Variants in KIF1A observed in about 807,000 individuals in gnomAD.
KIF1A encodes kinesin family member 1A, also known as kinesin-like protein KIF1A.
Under a neutral mutation model 227.3 loss-of-function variants are expected in KIF1A, and 46 were observed. The observed-to-expected ratio is 0.20, with a 90% CI of 0.16 to 0.26. The LOEUF (loss-of-function observed/expected upper bound fraction) is 0.26. Ranked by LOEUF, KIF1A falls within the 10% of genes least tolerant of loss-of-function variation. The pLI, the probability that KIF1A is intolerant of heterozygous loss-of-function variation, is 1.00. For missense variants in KIF1A, 1,683 were observed against 2,485.9 expected (o/e 0.68, Z 6.87); for synonymous variants, 1,022 against 1,012.8 (o/e 1.01, Z -0.17).
intron 15 of KIF1A, 59 bp from the exon 16 acceptor site, chr2:240,769,765 T>G: frequency 7.0e-7 from 1 of 1,418,808 alleles, no homozygotes; most frequent in Non-Finnish European, 9.9e-7. Flanking sequence ...GAGAGGACAA[T>G]GGAGACACGG....
chr2:240,746,331 G>A (rs1312000871), intron 29 of KIF1A, among the ~76,000 whole-genome samples, 154 bp from the exon 30 acceptor site: 4 of 152,182 alleles, frequency 2.6e-5, no homozygotes, highest in African/African-American at 7.2e-5. Flanking sequence ...CTGCCTTGTA[G>A]GGGGGCATCC....
intron 4 of KIF1A, 102 bp downstream of exon 4, chr2:240,787,949 T>G (rs1452586769): frequency 1.7e-6 from 2 of 1,151,834 alleles, no homozygotes; most frequent in Non-Finnish European, 2.5e-6. Flanking sequence ...GACTCCCTGC[T>G]CTCTGGGGGC....
In KIF1A at chr2:240,797,298, G is replaced by A. The variant is rs77277430; in HGVS notation, c.106+349C>T. The stretch of plus-strand genomic sequence containing the variant: ...GAGGAGAAGGCCACGTGACGACGGA[G>A]GCAGAGACTAGAGCAACGCTGCTGC... On this transcript the variant is annotated intron_variant, in intron 2 of 48. Transcript: ENST00000498729. Among the ~76,000 whole-genome samples the A allele has an allele frequency of 5.1e-3, 780 of 152,324 alleles. 35 individuals are homozygous for A. The East Asian group carries it at 0.11, about 22-fold the overall frequency.
In KIF1A at chr2:240,780,820, A is replaced by AGCTC. The variant is rs1559522497; in HGVS notation, c.882+1769_882+1770insGAGC. Among the ~76,000 whole-genome samples the AGCTC allele has an allele frequency of 4.8e-5, 5 of 104,734 alleles. 1 individual carries two copies. The highest frequency in any genetic ancestry group is 2.4e-4 in the African/African-American group (4 of 16,348). 68.7% of individuals were successfully genotyped at this position (104,734 alleles called of 152,430 possible). A position where few individuals can be genotyped will look rare whatever the true frequency, so the allele number is the denominator to read the frequency against. On this transcript the variant is annotated intron_variant, in intron 10 of 48. Coordinates refer to ENST00000498729, the MANE Select transcript of KIF1A (RefSeq NM_001244008.2). ...GCTCCACACACACACACACACACACACACACAGCTCCACACACACACACAG... is the reference window on the plus strand; with the variant it reads ...GCTCCACACACACACACACACACACAGCTCCACACAGCTCCACACACACACACAG...
intron 7 of KIF1A, among the ~76,000 whole-genome samples, chr2:240,784,169 C>T (rs910316351): frequency 2.6e-5 from 4 of 152,196 alleles, no homozygotes; most frequent in Non-Finnish European, 5.9e-5. Flanking sequence ...GCTCAGTGTC[C>T]GTGGTTGGAT....
chr2:240,808,710 G>A (rs1266321866), intron 1 of KIF1A, among the ~76,000 whole-genome samples: 1 of 151,726 alleles, frequency 6.6e-6, no homozygotes, highest in Admixed American at 6.6e-5. Flanking sequence ...CCAAACTATA[G>A]AGTACCTAGG....
chr2:240,803,958 G>T (rs144155416), intron 1 of KIF1A, among the ~76,000 whole-genome samples: 1 of 152,302 alleles, frequency 6.6e-6, no homozygotes, highest in Admixed American at 6.5e-5. Context: ...AAATCAGTTT[G>T]CTCATTAAAA....
chr2:240,757,635 C>A lies in KIF1A; in HGVS notation c.2583-41G>T. On this transcript the variant is annotated intron_variant, in intron 26 of 48. Coordinates refer to ENST00000498729, the MANE Select transcript of KIF1A (RefSeq NM_001244008.2). This position sits in a 1 kb window ranked among gnomAD's most constrained non-coding sequence, Gnocchi z 6.2. ...CAAGACAGAGAGAAGTTAACACCAG[C>A]GACTCGCAGGGACGAACAGGGGCCG... 3.2e-6 allele frequency: 5 copies of A among 1,541,412 alleles called. No individual in the cohort carries two copies. The highest frequency in any genetic ancestry group is 4.4e-6 in the Non-Finnish European group (5 of 1,141,702).
At chr2:240,746,985 G>A (rs1285377710) in intron 29 of KIF1A, among the ~76,000 whole-genome samples, 2 of 152,182 alleles carry the variant, frequency 1.3e-5, no homozygotes, top group East Asian at 1.9e-4. Context: ...CACCTGCTCT[G>A]CGCCCCGACT....
chr2:240,746,036 C>T lies in KIF1A; in HGVS notation c.3202+3G>A. 6.2e-7 allele frequency: 1 copy of T among 1,607,702 alleles called. No homozygotes were observed. On this transcript the variant is annotated splice_donor_region_variant and intron_variant, in intron 30 of 48. Transcript: ENST00000498729. The stretch of plus-strand genomic sequence containing the variant: ...CCCTGGGCAGCTGGGGTGGGCGACC[C>T]ACCTGAACAGGTGTTGTTGTTGACT...
At chr2:240,812,639 T>C (rs1178824685) in intron 1 of KIF1A, among the ~76,000 whole-genome samples, 1 of 142,448 alleles carries the variant, frequency 7.0e-6, no homozygotes, top group African/African-American at 2.6e-5. Context: ...CACCTCTGGG[T>C]CCGCCTTCAC....
At chr2:240,779,470 CCTCA>C (rs1282321725) in intron 10 of KIF1A, among the ~76,000 whole-genome samples, 8 of 143,676 alleles carry the variant, frequency 5.6e-5, no homozygotes, top group South Asian at 4.2e-4. Flanking sequence ...ACACTCAGTT[CCTCA>C]CTCAGTTCCT....
chr2:240,790,983 G>A lies in KIF1A; in HGVS notation c.107-1671C>T, dbSNP rs185230874. Reference sequence around the variant, plus strand: ...GCCAAGCGTCTTGCTGACAGCACAGGCATCACTGGCAGCCTTGTCGCCAGG... The same window carrying A: ...GCCAAGCGTCTTGCTGACAGCACAGACATCACTGGCAGCCTTGTCGCCAGG... On this transcript the variant is annotated intron_variant, in intron 2 of 48. Transcript: ENST00000498729. The surrounding 1 kb of genome is among the most constrained non-coding windows in gnomAD (Gnocchi z 5.0). 6.6e-6 allele frequency among the ~76,000 whole-genome samples: 1 copy of A among 152,282 alleles called. No homozygotes were observed. The highest frequency in any genetic ancestry group is 1.9e-4 in the East Asian group (1 of 5,184).
At chr2:240,753,218 C>A (rs2049431282) in intron 27 of KIF1A, among the ~76,000 whole-genome samples, 1 of 152,206 alleles carries the variant, frequency 6.6e-6, no homozygotes, top group Admixed American at 6.5e-5. Flanking sequence ...TCACACTGAT[C>A]CCCTCCTCAC....
At chr2:240,777,316 T>A (rs1288998737) in intron 10 of KIF1A, among the ~76,000 whole-genome samples, 1 of 152,220 alleles carries the variant, frequency 6.6e-6, no homozygotes, top group Non-Finnish European at 1.5e-5. Flanking sequence ...AGTGCTGGGA[T>A]TACAGGCGTG....
At chr2:240,809,117 T>C (rs1044210320) in intron 1 of KIF1A, among the ~76,000 whole-genome samples, 1 of 152,254 alleles carries the variant, frequency 6.6e-6, no homozygotes, top group African/African-American at 2.4e-5. Context: ...AACTTATTGG[T>C]GGAAAATAAA....
Position 240,719,890 on chromosome 2 carries a change from C to A in KIF1A, c.4905G>T (p.Glu1635Asp). ...AGTCGGCCTCTGGCAGCAGCTCGGGCTCTGGGCTGGCTGGCCGGGAGCAGG... is the reference window on the plus strand; with the variant it reads ...AGTCGGCCTCTGGCAGCAGCTCGGGATCTGGGCTGGCTGGCCGGGAGCAGG... ...PQPCSRPASP[E>D]PELLPEADSK... Residue 1635 changes from glutamate to aspartate, a missense_variant, in exon 46 of 49, where the codon GAG (glutamate) becomes GAT (aspartate). Transcript: ENST00000498729. The A allele has an allele frequency of 6.2e-7, 1 of 1,611,546 alleles. No individual in the cohort carries two copies. The highest frequency in any genetic ancestry group is 1.7e-5 in the Admixed American group (1 of 59,920).
chr2:240,736,329 G>A lies in KIF1A; in HGVS notation c.4007+734C>T, dbSNP rs1314063504. ...AGGGAGCAGCCAGGACTGGACACTG[G>A]AGCCCCCGCCTCACTTTCCCCAAGC... On this transcript the variant is annotated intron_variant, in intron 38 of 48. Coordinates refer to ENST00000498729, the MANE Select transcript of KIF1A (RefSeq NM_001244008.2). This position sits in a 1 kb window ranked among gnomAD's most constrained non-coding sequence, Gnocchi z 4.7. 6.6e-6 allele frequency among the ~76,000 whole-genome samples: 1 copy of A among 152,008 alleles called. No individual in the cohort carries two copies. The highest frequency in any genetic ancestry group is 1.9e-4 in the East Asian group (1 of 5,160).
intron 20 of KIF1A, among the ~76,000 whole-genome samples, chr2:240,764,040 C>T (rs1387675575): frequency 6.6e-6 from 1 of 152,224 alleles, no homozygotes; most frequent in Non-Finnish European, 1.5e-5. Context: ...TGTCTTGGGA[C>T]AGTCCTGCCT....
Sources: allele counts gnomAD v4.1 joint callset (sites outside exome capture counted in the v4.1 genomes callset), GRCh38; gene constraint gnomAD v4.1.1; non-coding constraint Gnocchi (gnomAD v3.1); transcripts MANE v1.5; gene names NCBI Gene and HGNC (gene_info 2026-07-23, HGNC 2026-07-21).